TAB1: variants seen among roughly 807,000 people sequenced by gnomAD.
The protein encoded by TAB1 is TGF-beta-activated kinase 1 and MAP3K7-binding protein 1.
In TAB1, 30 loss-of-function variants were observed where a neutral mutation model predicts 54.5. That is an observed-to-expected ratio of 0.55 (90% confidence interval 0.41 to 0.75). The LOEUF (loss-of-function observed/expected upper bound fraction) is 0.75, where lower values mean the gene tolerates loss of function less well. Among genes scored for constraint, TAB1 ranks in the 30% least tolerant of loss-of-function variants. The pLI is 0.00. For missense variants in TAB1, 609 were observed against 683.2 expected (o/e 0.89, Z 1.21); for synonymous variants, 289 against 286.9 (o/e 1.01, Z -0.07).
Position 39,428,333 on chromosome 22 carries a change from T to C in TAB1, c.1307+150T>C, listed in dbSNP as rs1927437659. The stretch of plus-strand genomic sequence containing the variant: ...CCAGCTCCGTGCCTGGTGAGGGAGG[T>C]CTCCCTAGAAACTGAGGCAGGTGCG... On this transcript the variant is annotated intron_variant, in intron 10 of 10. Transcript: ENST00000216160. 1.7e-5 allele frequency: 9 copies of C among 533,916 alleles called. No individual in the cohort carries two copies. The South Asian group carries it at 2.9e-4, about 17-fold the overall frequency. 33.1% of individuals were successfully genotyped at this position (533,916 alleles called of 1,614,324 possible). A position where few individuals can be genotyped will look rare whatever the true frequency, so the allele number is the denominator to read the frequency against.
intron 1 of TAB1, among the ~76,000 whole-genome samples, chr22:39,405,501 C>T (rs1254921474): frequency 6.6e-6 from 1 of 152,200 alleles, no homozygotes; most frequent in Non-Finnish European, 1.5e-5. Flanking sequence ...TGAGAGACGC[C>T]CCCTTCTCAG....
chr22:39,432,273 G>A (rs1601703790), downstream of TAB1, among the ~76,000 whole-genome samples: 1 of 152,202 alleles, frequency 6.6e-6, no homozygotes, highest in African/African-American at 2.4e-5. Flanking sequence ...AGGTCACCAG[G>A]GCGGAGGCCT....
chr22:39,402,494 T>C (rs2145651669), intron 1 of TAB1, among the ~76,000 whole-genome samples: 1 of 152,238 alleles, frequency 6.6e-6, no homozygotes, highest in East Asian at 1.9e-4. Context: ...GTAGATCACT[T>C]GGTGGGAGCA....
chr22:39,400,478 C>A (rs749258752), intron 1 of TAB1, among the ~76,000 whole-genome samples: 2 of 152,220 alleles, frequency 1.3e-5, no homozygotes, highest in Non-Finnish European at 2.9e-5. Context: ...GTGTCTCCCT[C>A]AGCCTCAGTT....
intron 7 of TAB1, 124 bp from the exon 8 acceptor site, chr22:39,421,703 T>A (rs1053604015): frequency 6.3e-5 from 66 of 1,042,132 alleles, no homozygotes; most frequent in Non-Finnish European, 8.4e-5. Flanking sequence ...TCTCTTTTCT[T>A]TTCCTCTTGT....
downstream of TAB1, chr22:39,436,572 G>A: frequency 6.2e-7 from 1 of 1,612,632 alleles, no homozygotes; most frequent in Non-Finnish European, 8.5e-7. Flanking sequence ...CCCAGGGTAG[G>A]AAGGAAGCGC....
At chr22:39,436,827 G>T, downstream of TAB1, 1 of 499,610 alleles carries the variant, frequency 2.0e-6, no homozygotes, top group East Asian at 3.4e-5. Flanking sequence ...CCTCTGTTCT[G>T]GTGAGCTCAG....
Position 39,430,734 on chromosome 22 carries a change from C to G in TAB1, c.*512C>G, listed in dbSNP as rs1927554930. The G allele has an allele frequency of 2.9e-6, 3 of 1,020,612 alleles. No individual in the cohort carries two copies. The highest frequency in any genetic ancestry group is 5.0e-5 in the Admixed American group (1 of 19,996). 63.2% of individuals were successfully genotyped at this position (1,020,612 alleles called of 1,614,324 possible). A position where few individuals can be genotyped will look rare whatever the true frequency, so the allele number is the denominator to read the frequency against. ...ACCCAGGCTGGTGTCCGCATCTGTC[C>G]CTGGGCCCCACCCCTGGACCTGCCT... On this transcript the variant is annotated 3_prime_UTR_variant, in exon 11 of 11. Coordinates refer to ENST00000216160, the MANE Select transcript of TAB1 (RefSeq NM_006116.3).
chr22:39,432,981 G>C, downstream of TAB1: 1 of 985,454 alleles, frequency 1.0e-6, no homozygotes, highest in Non-Finnish European at 1.2e-6. Context: ...AAGCTGTGCA[G>C]CCCTGGTGGG....
chr22:39,404,072 C>G (rs1926262867), intron 1 of TAB1, among the ~76,000 whole-genome samples: 1 of 152,148 alleles, frequency 6.6e-6, no homozygotes, highest in Non-Finnish European at 1.5e-5. Flanking sequence ...TGGGAAGTAT[C>G]AGATTCCAGT....
Position 39,421,814 on chromosome 22 carries a change from T to C in TAB1, c.777-13T>C, listed in dbSNP as rs1206628084. ...TTCCAAGCAAAGCTCTTCCTTCCAC[T>C]CTCTCCCCATAGCGCTGCCAAGTCC... On this transcript the variant is annotated splice_polypyrimidine_tract_variant and intron_variant, in intron 7 of 10. Coordinates refer to ENST00000216160, the MANE Select transcript of TAB1 (RefSeq NM_006116.3). 2 of 1,613,700 alleles carry C rather than the reference T, an allele frequency of 1.2e-6. No individual in the cohort carries two copies. Among genetic ancestry groups the C allele is most frequent in the East Asian group, 2.2e-5 (1 of 44,834 alleles).
intron 1 of TAB1, among the ~76,000 whole-genome samples, chr22:39,404,290 A>C (rs951166991): frequency 1.3e-5 from 2 of 152,230 alleles, no homozygotes; most frequent in East Asian, 3.8e-4. Context: ...TTAATTATAA[A>C]AAAGAAAATC....
Position 39,417,730 on chromosome 22 carries a change from T to C in TAB1, c.431T>C (p.Leu144Pro). ...QLPEGVPQHQLPPQYQKILER... is the reference protein window; with the variant it reads ...QLPEGVPQHQPPPQYQKILER... ...TTGTAGGGAGTCCCTCAGCACCAGC[T>C]GCCTCCTCAGTATCAGAAGATCCTT... Residue 144 changes from leucine (L) to proline (P), a missense_variant, in exon 5 of 11, where the codon CTG becomes CCG. Coordinates refer to ENST00000216160, the MANE Select transcript of TAB1 (RefSeq NM_006116.3). The C allele has an allele frequency of 6.2e-7, 1 of 1,611,452 alleles. No individual in the cohort carries two copies. Among genetic ancestry groups the C allele is most frequent in the Non-Finnish European group, 8.5e-7 (1 of 1,178,670 alleles).
chr22:39,406,256 G>A (rs532265237), intron 1 of TAB1, among the ~76,000 whole-genome samples: 10 of 152,166 alleles, frequency 6.6e-5, no homozygotes, highest in East Asian at 5.8e-4. Flanking sequence ...AAAATTAGCC[G>A]GGCATGGTGG....
chr22:39,427,690 C>T (rs895694538), intron 9 of TAB1, among the ~76,000 whole-genome samples: 4 of 152,212 alleles, frequency 2.6e-5, no homozygotes, highest in Non-Finnish European at 5.9e-5. Flanking sequence ...TTTATTGGGT[C>T]AGCCTCAACT....
chr22:39,406,922 T>C (rs545722614), intron 1 of TAB1, among the ~76,000 whole-genome samples: 272 of 152,324 alleles, frequency 1.8e-3, no homozygotes, highest in Non-Finnish European at 3.1e-3. Context: ...CGTGAGCCAC[T>C]GCGCCCGGCC....
rs974808595 is a variant in TAB1 at position 39,430,526 on chromosome 22, G to A, written c.*304G>A. ...ACCGCAGTGGGCCTGCAAGCCGCCCGAGCCTCCCCAGCAGCCTCCTACAGA... is the reference window on the plus strand; with the variant it reads ...ACCGCAGTGGGCCTGCAAGCCGCCCAAGCCTCCCCAGCAGCCTCCTACAGA... On this transcript the variant is annotated 3_prime_UTR_variant, in exon 11 of 11. Transcript: ENST00000216160. The A allele has an allele frequency of 1.3e-5, 16 of 1,276,932 alleles. No homozygotes were observed. Among genetic ancestry groups the A allele is most frequent in the Non-Finnish European group, 1.4e-5 (14 of 999,866 alleles). 79.1% of individuals were successfully genotyped at this position (1,276,932 alleles called of 1,614,324 possible).
intron 1 of TAB1, among the ~76,000 whole-genome samples, chr22:39,406,845 G>C (rs533452863): frequency 1.1e-4 from 17 of 152,150 alleles, no homozygotes; most frequent in Admixed American, 3.9e-4. Flanking sequence ...GTGTTAGCCA[G>C]GATGGTCTCA....
intron 7 of TAB1, 137 bp from the exon 8 acceptor site, chr22:39,421,690 T>G: frequency 3.2e-6 from 3 of 941,954 alleles, no homozygotes; most frequent in Non-Finnish European, 3.2e-6. Flanking sequence ...GACCTTCTCT[T>G]TCTCTCTTTT....
Sources: gnomAD v4.1 joint callset for allele counts (sites outside exome capture counted in the v4.1 genomes callset) on GRCh38, gnomAD v4.1.1 for gene constraint, MANE v1.5 for transcripts, NCBI Gene and HGNC (gene_info 2026-07-23, HGNC 2026-07-21) for gene names.